The following RARB variants were observed in gnomAD, a reference collection of about 807,000 sequenced individuals.
RARB encodes HBV-activated protein.
In RARB, 17 loss-of-function variants were observed where a neutral mutation model predicts 51.9. The ratio of observed to expected loss-of-function variants is 0.33; its 90% CI spans 0.22 to 0.49. The LOEUF is 0.49. Among genes scored for constraint, RARB ranks in the 20% least tolerant of loss-of-function variants. The pLI is 0.99. For missense variants in RARB, 369 were observed against 550.8 expected, an observed-to-expected ratio of 0.67 and a Z score of 3.30; for synonymous variants, 215 against 195.4, an observed-to-expected ratio of 1.10 and a Z score of -0.84.
chr3:25,000,979 T>A (rs554289579), intron 2 of RARB, among the ~76,000 whole-genome samples: 1 of 152,104 alleles, frequency 6.6e-6, no homozygotes, highest in Non-Finnish European at 1.5e-5. Context: ...GATTTTTGAA[T>A]TGAGCAGAAT....
chr3:25,003,812 A>G lies in RARB; in HGVS notation c.-379-56313A>G, dbSNP rs566452967. The stretch of plus-strand genomic sequence containing the variant: ...AGATAAAAGGTCACAGAAAAGGCTC[A>G]TGGAAGTTTACTTCCATTTTCACTG... On this transcript the variant is annotated intron_variant, in intron 2 of 11. Coordinates refer to the RARB transcript ENST00000383772. Among the ~76,000 whole-genome samples, 5 of 152,258 alleles carry G rather than the reference A, an allele frequency of 3.3e-5. No individual in the cohort carries two copies. The South Asian group carries it at 6.2e-4, about 19-fold the overall frequency.
At chr3:25,519,407 G>A (rs1348148803) in intron 3 of RARB, among the ~76,000 whole-genome samples, 1 of 152,122 alleles carries the variant, frequency 6.6e-6, no homozygotes, top group Non-Finnish European at 1.5e-5. Flanking sequence ...AATTCCACTT[G>A]TTCCACATCC....
At chr3:24,897,134 C>A (rs1482539708) in intron 2 of RARB, among the ~76,000 whole-genome samples, 4 of 152,198 alleles carry the variant, frequency 2.6e-5, no homozygotes, top group African/African-American at 9.7e-5. Context: ...GCATCGTGCC[C>A]TGTCTCTCCT....
chr3:24,921,539 G>A (rs879887473), intron 2 of RARB, among the ~76,000 whole-genome samples: 1 of 152,160 alleles, frequency 6.6e-6, no homozygotes, highest in African/African-American at 2.4e-5. Flanking sequence ...CATGTGCCCT[G>A]TGTTTACCAG....
intron 5 of RARB, among the ~76,000 whole-genome samples, chr3:25,365,714 G>A (rs897237323): frequency 3.3e-5 from 5 of 152,288 alleles, no homozygotes; most frequent in East Asian, 3.9e-4. Flanking sequence ...TAATTCAAAG[G>A]TTGAGATTGT....
chr3:25,085,614 C>G (rs1391685054), intron 3 of RARB, among the ~76,000 whole-genome samples: 1 of 152,054 alleles, frequency 6.6e-6, no homozygotes, highest in African/African-American at 2.4e-5. Flanking sequence ...TTCCTGAACA[C>G]AAAACTGAAG....
intron 3 of RARB, among the ~76,000 whole-genome samples, chr3:25,065,871 T>C (rs930111916): frequency 2.6e-5 from 4 of 152,218 alleles, no homozygotes; most frequent in Non-Finnish European, 4.4e-5. Context: ...TCCTGTGATT[T>C]TAACACTTTG....
At chr3:25,045,469 C>CGG (rs1559446089) in intron 2 of RARB, among the ~76,000 whole-genome samples, 4 of 152,132 alleles carry the variant, frequency 2.6e-5, no homozygotes, top group Non-Finnish European at 5.9e-5. Context: ...CATTCAAAGC[C>CGG]AGAGCTCCCT....
intron 4 of RARB, among the ~76,000 whole-genome samples, chr3:25,134,718 G>A (rs1231168128): frequency 6.6e-6 from 1 of 151,576 alleles, no homozygotes; most frequent in Non-Finnish European, 1.5e-5. Context: ...GAATGGATTA[G>A]AATTGAGTGA....
intron 5 of RARB, among the ~76,000 whole-genome samples, chr3:25,330,189 G>A (rs751767970): frequency 2.6e-5 from 4 of 152,002 alleles, no homozygotes; most frequent in Non-Finnish European, 5.9e-5. Flanking sequence ...TCCCCGAGAA[G>A]AGCAACCCCA....
At chr3:25,537,523 A>G (rs894603409) in intron 3 of RARB, among the ~76,000 whole-genome samples, 1 of 152,200 alleles carries the variant, frequency 6.6e-6, no homozygotes, top group Non-Finnish European at 1.5e-5. Context: ...AGATGTAGTC[A>G]CTGAGGCTCT....
intron 5 of RARB, among the ~76,000 whole-genome samples, chr3:25,193,788 G>T (rs899077320): frequency 1.3e-5 from 2 of 151,888 alleles, no homozygotes; most frequent in African/African-American, 2.4e-5. Flanking sequence ...AAAGGGAAAT[G>T]GAGGCAACTA....
chr3:24,866,965 G>A lies in RARB; in HGVS notation c.-380+8213G>A, dbSNP rs960323988. Among the ~76,000 whole-genome samples the A allele has an allele frequency of 2.0e-5, 3 of 152,026 alleles. No individual in the cohort carries two copies. The South Asian group carries it at 6.2e-4, about 31-fold the overall frequency. On this transcript the variant is annotated intron_variant, in intron 2 of 11. Coordinates refer to the RARB transcript ENST00000383772. ...TACAATCACAGGGGTGTGGGAAATG[G>A]TCTTCATTTGGTGGGGTTACAGGAG...
chr3:25,224,396 A>G (rs1702009685), intron 5 of RARB, among the ~76,000 whole-genome samples: 1 of 152,228 alleles, frequency 6.6e-6, no homozygotes. Context: ...ATTGATGCCA[A>G]AGCAAGAGAA....
At chr3:24,988,630 C>T (rs1046919214) in intron 2 of RARB, among the ~76,000 whole-genome samples, 17 of 151,932 alleles carry the variant, frequency 1.1e-4, no homozygotes, top group Non-Finnish European at 2.4e-4. Context: ...AAAAATTTTA[C>T]CTTAATACTA....
intron 5 of RARB, among the ~76,000 whole-genome samples, chr3:25,361,211 G>T (rs1465584697): frequency 1.3e-5 from 2 of 151,884 alleles, no homozygotes; most frequent in Non-Finnish European, 2.9e-5. Context: ...TTGTCTTTAC[G>T]CTTTATTTCA....
At chr3:25,237,734 C>G (rs368811610) in intron 5 of RARB, among the ~76,000 whole-genome samples, 1 of 152,148 alleles carries the variant, frequency 6.6e-6, no homozygotes, top group African/African-American at 2.4e-5. Flanking sequence ...TAGCAGTTCT[C>G]CATTCTACTT....
chr3:25,239,919 C>T (rs547771044), intron 5 of RARB, among the ~76,000 whole-genome samples: 3 of 152,176 alleles, frequency 2.0e-5, no homozygotes, highest in South Asian at 2.1e-4. Flanking sequence ...TTCTGATCCA[C>T]GAGCATAGAT....
At chr3:25,125,338 T>G (rs1419547954) in intron 3 of RARB, among the ~76,000 whole-genome samples, 1 of 152,202 alleles carries the variant, frequency 6.6e-6, no homozygotes, top group Non-Finnish European at 1.5e-5. Flanking sequence ...GGTACTCCAC[T>G]AAGCAGCTGG....
Sources: gnomAD v4.1 joint callset for allele counts (sites outside exome capture counted in the v4.1 genomes callset) on GRCh38, gnomAD v4.1.1 for gene constraint, MANE v1.5 for transcripts, NCBI Gene and HGNC (gene_info 2026-07-23, HGNC 2026-07-21) for gene names.